Variants in DLC1 observed in about 807,000 individuals in gnomAD.
DLC1 encodes DLC1 Rho GTPase activating protein, also known as rho GTPase-activating protein 7.
Under a neutral mutation model 140.3 loss-of-function variants are expected in DLC1, and 54 were observed. The observed-to-expected ratio is 0.38, with a 90% CI of 0.31 to 0.48. DLC1 has a LOEUF of 0.48. DLC1 is among the 20% of genes least tolerant of loss of function. The pLI, the probability that DLC1 is intolerant of heterozygous loss-of-function variation, is 0.96. For missense variants in DLC1, 2,536 were observed against 1,907.0 expected (o/e 1.33, Z -6.14); for synonymous variants, 986 against 728.1 (o/e 1.35, Z -5.70).
chr8:13,395,808 C>T lies in DLC1; in HGVS notation c.1174-2115G>A, dbSNP rs551519938. Among the ~76,000 whole-genome samples the T allele has an allele frequency of 5.3e-5, 8 of 151,370 alleles. No homozygotes were observed. The South Asian group carries it at 1.3e-3, about 24-fold the overall frequency. ...CATAACTCTGAGCAAATTTCTGATGCCTGGAATGATTTTGGATCAGGGCCA... is the reference window on the plus strand; with the variant it reads ...CATAACTCTGAGCAAATTTCTGATGTCTGGAATGATTTTGGATCAGGGCCA... On this transcript the variant is annotated intron_variant, in intron 3 of 17. Coordinates refer to ENST00000276297, the MANE Select transcript of DLC1 (RefSeq NM_182643.3).
chr8:13,544,462 G>C (rs1389546832), intron 1 of DLC1, among the ~76,000 whole-genome samples: 1 of 152,112 alleles, frequency 6.6e-6, no homozygotes, highest in Non-Finnish European at 1.5e-5. Flanking sequence ...CAGTACTTTG[G>C]TCTGAGAAAA....
At chr8:13,273,833 C>T (rs1004523450) in intron 5 of DLC1, among the ~76,000 whole-genome samples, 10 of 151,778 alleles carry the variant, frequency 6.6e-5, no homozygotes, top group African/African-American at 2.2e-4. Flanking sequence ...TGTTATCCCA[C>T]GACCAAACCC....
intron 2 of DLC1, among the ~76,000 whole-genome samples, chr8:13,456,478 G>A (rs1799395375): frequency 1.3e-5 from 2 of 148,436 alleles, no homozygotes; most frequent in Non-Finnish European, 3.0e-5. Flanking sequence ...TTTATTTTTT[G>A]AGACAGCATC....
At chr8:13,234,590 A>C (rs1829196768) in intron 5 of DLC1, among the ~76,000 whole-genome samples, 1 of 151,986 alleles carries the variant, frequency 6.6e-6, no homozygotes, top group South Asian at 2.1e-4. Flanking sequence ...AGAGTGAGGG[A>C]ATCTAGCCAG....
chr8:13,256,159 A>G (rs1039302556), intron 5 of DLC1, among the ~76,000 whole-genome samples: 1 of 152,232 alleles, frequency 6.6e-6, no homozygotes, highest in Admixed American at 6.5e-5. Context: ...AATTGAATGA[A>G]TGAAATAAAT....
chr8:13,390,104 C>T (rs1458476515), intron 4 of DLC1, among the ~76,000 whole-genome samples: 2 of 152,108 alleles, frequency 1.3e-5, no homozygotes, highest in African/African-American at 4.8e-5. Flanking sequence ...CAAAATTCTT[C>T]ATTCTGATAT....
In DLC1 at chr8:13,094,680, T is replaced by C. The variant is rs1237884901; in HGVS notation, c.3526+79A>G. 6.5e-6 allele frequency: 10 copies of C among 1,535,648 alleles called. 1 individual carries two copies. In the East Asian group the frequency reaches 6.8e-5, roughly 10 times the overall value. On this transcript the variant is annotated intron_variant, in intron 12 of 17. Coordinates refer to ENST00000276297, the MANE Select transcript of DLC1 (RefSeq NM_182643.3). ...GACTCCATCTCAAAAAAAAAAAGAA[T>C]GCTATCAAGGAAGCTACAAGCTTCA...
At chr8:13,293,136 G>A (rs534810846) in intron 5 of DLC1, among the ~76,000 whole-genome samples, 17 of 152,266 alleles carry the variant, frequency 1.1e-4, no homozygotes, top group African/African-American at 3.4e-4. Context: ...AGGCTGAGGC[G>A]GGAAGATTGC....
intron 5 of DLC1, among the ~76,000 whole-genome samples, chr8:13,119,756 A>G (rs1820879384): frequency 6.6e-6 from 1 of 151,872 alleles, no homozygotes; most frequent in Admixed American, 6.6e-5. Flanking sequence ...GTTCAAGACC[A>G]CTCTGGGCAA....
intron 4 of DLC1, among the ~76,000 whole-genome samples, chr8:13,343,607 A>T (rs1283882549): frequency 6.6e-6 from 1 of 152,186 alleles, no homozygotes; most frequent in Admixed American, 6.5e-5. Flanking sequence ...CATTTTGTCC[A>T]TAAGAAAAAG....
intron 5 of DLC1, among the ~76,000 whole-genome samples, chr8:13,260,612 G>C (rs535678581): frequency 6.6e-6 from 1 of 152,236 alleles, no homozygotes; most frequent in Admixed American, 6.5e-5. Flanking sequence ...GTGAGGATAG[G>C]ACAAGATAGG....
At chr8:13,223,486 AC>A (rs1828653675) in intron 5 of DLC1, among the ~76,000 whole-genome samples, 1 of 152,210 alleles carries the variant, frequency 6.6e-6, no homozygotes, top group South Asian at 2.1e-4. Context: ...AAGATTAAAA[AC>A]CCTAGAAGAA....
intron 1 of DLC1, among the ~76,000 whole-genome samples, chr8:13,582,014 G>T (rs562337555): frequency 6.6e-6 from 1 of 152,216 alleles, no homozygotes; most frequent in African/African-American, 2.4e-5. Flanking sequence ...GATACGCAAA[G>T]TTCTAGTCCC....
At chr8:13,270,821 C>T (rs905155292) in intron 5 of DLC1, among the ~76,000 whole-genome samples, 1 of 152,122 alleles carries the variant, frequency 6.6e-6, no homozygotes, top group Non-Finnish European at 1.5e-5. Flanking sequence ...GGTGAAGGCC[C>T]TCAGGAAGTA....
intron 1 of DLC1, among the ~76,000 whole-genome samples, chr8:13,542,208 G>A (rs1238190946): frequency 4.0e-5 from 6 of 151,802 alleles, no homozygotes; most frequent in Non-Finnish European, 8.8e-5. Flanking sequence ...TTATATTTTG[G>A]CCTGTGTTCT....
intron 4 of DLC1, among the ~76,000 whole-genome samples, chr8:13,313,756 A>G (rs11775067): frequency 0.29 from 43,927 of 152,136 alleles, 6,776 homozygotes; most frequent in Non-Finnish European, 0.33. Context: ...GAACAATTTT[A>G]AATTATTTTC....
chr8:13,587,076 T>TTACACACA (rs1210021389), intron 1 of DLC1, among the ~76,000 whole-genome samples: 1 of 64,148 alleles, frequency 1.6e-5, no homozygotes, highest in African/African-American at 6.8e-5. Context: ...GGAAAATAGT[T>TTACACACA]TACACACACA....
At chr8:13,507,031 C>A (rs111764428) in intron 1 of DLC1, among the ~76,000 whole-genome samples, 2,908 of 152,244 alleles carry the variant, frequency 0.019, 85 homozygotes, top group African/African-American at 0.067. Context: ...AGACGATCAA[C>A]AACCTGGAAA....
chr8:13,170,653 C>G (rs1170004118), intron 5 of DLC1, among the ~76,000 whole-genome samples: 1 of 150,520 alleles, frequency 6.6e-6, no homozygotes, highest in Admixed American at 6.6e-5. Flanking sequence ...TGGCGTGAAC[C>G]CGGGAGGCGG....
Sources: gnomAD v4.1 joint callset for allele counts (sites outside exome capture counted in the v4.1 genomes callset) on GRCh38, gnomAD v4.1.1 for gene constraint, MANE v1.5 for transcripts, NCBI Gene and HGNC (gene_info 2026-07-23, HGNC 2026-07-21) for gene names.